The following SPMIP4 variants were observed in gnomAD, a reference collection of about 807,000 sequenced individuals.
The protein encoded by SPMIP4 is sperm microtubule inner protein 4.
the SPMIP4 span, among the ~76,000 whole-genome samples, chr7:25,133,114 C>G: frequency 6.6e-6 from 1 of 152,136 alleles, no homozygotes; most frequent in South Asian, 2.1e-4. Flanking sequence ...ATATTATTGT[C>G]TGTACTTGTT....
the SPMIP4 span, among the ~76,000 whole-genome samples, chr7:25,175,204 G>C: frequency 5.3e-5 from 8 of 152,144 alleles, no homozygotes; most frequent in Non-Finnish European, 8.8e-5. Context: ...CCTGTCTGTA[G>C]ACCAGTCCTG....
the SPMIP4 span, among the ~76,000 whole-genome samples, chr7:25,164,219 C>A: frequency 6.6e-6 from 1 of 152,150 alleles, no homozygotes; most frequent in Admixed American, 6.5e-5. Flanking sequence ...ACTCCCTCCC[C>A]AGCTACCTCG....
the SPMIP4 span, among the ~76,000 whole-genome samples, chr7:25,149,620 T>C: frequency 6.6e-6 from 1 of 152,246 alleles, no homozygotes; most frequent in Non-Finnish European, 1.5e-5. Context: ...TAACACATTC[T>C]GTTCTCAAAT....
At chr7:25,135,001 C>T in the SPMIP4 span, 1 of 878,230 alleles carries the variant, frequency 1.1e-6, no homozygotes, top group African/African-American at 1.8e-5. Context: ...GAGGTTACAA[C>T]CAAATGACAT....
chr7:25,154,850 G>A, the SPMIP4 span, among the ~76,000 whole-genome samples: 1,445 of 152,256 alleles, frequency 9.5e-3, 9 homozygotes, highest in Middle Eastern at 0.027. Flanking sequence ...CCATGGTGGC[G>A]CGCCAGCTGA....
chr7:25,175,444 C>T, the SPMIP4 span, among the ~76,000 whole-genome samples: 1 of 151,804 alleles, frequency 6.6e-6, no homozygotes, highest in Non-Finnish European at 1.5e-5. Flanking sequence ...TTCACCTCAC[C>T]TATTGTGAAA....
chr7:25,149,847 T>A, the SPMIP4 span, among the ~76,000 whole-genome samples: 1 of 152,228 alleles, frequency 6.6e-6, no homozygotes, highest in Admixed American at 6.5e-5. Context: ...CAGATACGTT[T>A]TATGAATTGA....
chr7:25,129,440 C>T, the SPMIP4 span, among the ~76,000 whole-genome samples: 1 of 152,174 alleles, frequency 6.6e-6, no homozygotes, highest in Non-Finnish European at 1.5e-5. Context: ...CAAGGCCCTG[C>T]AATCACTGCC....
chr7:25,135,011 T>C, the SPMIP4 span: 3 of 819,120 alleles, frequency 3.7e-6, no homozygotes, highest in African/African-American at 1.9e-5. Context: ...CCAAATGACA[T>C]GTTGGTCATA....
the SPMIP4 span, among the ~76,000 whole-genome samples, chr7:25,129,314 G>A: frequency 6.6e-6 from 1 of 152,254 alleles, no homozygotes; most frequent in Non-Finnish European, 1.5e-5. Context: ...GGTTCTGGCT[G>A]CTTGGATGAA....
chr7:25,166,416 T>G, the SPMIP4 span, among the ~76,000 whole-genome samples: 5 of 151,828 alleles, frequency 3.3e-5, no homozygotes, highest in South Asian at 6.3e-4. Context: ...TGAAACCCCG[T>G]CTCTACTAAA....
the SPMIP4 span, among the ~76,000 whole-genome samples, chr7:25,162,932 C>A: frequency 2.6e-5 from 4 of 151,994 alleles, no homozygotes; most frequent in African/African-American, 7.3e-5. Context: ...CCATCGTGCC[C>A]GGCTAATTTC....
the SPMIP4 span, among the ~76,000 whole-genome samples, chr7:25,153,778 C>T: frequency 6.6e-6 from 1 of 152,172 alleles, no homozygotes; most frequent in African/African-American, 2.4e-5. Flanking sequence ...TTTTGCATGG[C>T]ACCATCTCTC....
the SPMIP4 span, among the ~76,000 whole-genome samples, chr7:25,153,558 C>T: frequency 1.2e-4 from 13 of 108,470 alleles, no homozygotes; most frequent in Admixed American, 7.4e-4. Context: ...AGCAAGACTC[C>T]GTCTCAAAAA....
the SPMIP4 span, chr7:25,179,403 A>G: frequency 7.1e-7 from 1 of 1,399,806 alleles, no homozygotes; most frequent in Non-Finnish European, 9.7e-7. Flanking sequence ...TTACACTGCT[A>G]AATTGTTCAA....
the SPMIP4 span, among the ~76,000 whole-genome samples, chr7:25,148,477 C>CTTTTTTGT: frequency 7.8e-6 from 1 of 128,186 alleles, no homozygotes; most frequent in East Asian, 2.3e-4. Context: ...GAATCTGCCT[C>CTTTTTTGT]TTTTTTTTTT....
the SPMIP4 span, among the ~76,000 whole-genome samples, chr7:25,130,057 G>A: frequency 1.2e-3 from 179 of 151,924 alleles, 2 homozygotes; most frequent in African/African-American, 4.1e-3. Context: ...GGCCAACATG[G>A]TGAAACCCCG....
the SPMIP4 span, chr7:25,135,366 A>T: frequency 1.0e-5 from 10 of 985,488 alleles, no homozygotes; most frequent in Non-Finnish European, 9.6e-6. Context: ...ACATGCAGAG[A>T]GTTTTGGGTT....
chr7:25,156,712 G>C, the SPMIP4 span, among the ~76,000 whole-genome samples: 2 of 152,142 alleles, frequency 1.3e-5, no homozygotes, highest in African/African-American at 2.4e-5. Context: ...TTTTGAGACA[G>C]AGTCTTGCTC....
Sources: gnomAD v4.1 joint callset for allele counts (sites outside exome capture counted in the v4.1 genomes callset) on GRCh38, gnomAD v4.1.1 for gene constraint, MANE v1.5 for transcripts, NCBI Gene and HGNC (gene_info 2026-07-23, HGNC 2026-07-21) for gene names.